PRKN: variants seen among roughly 807,000 people sequenced by gnomAD.
The protein encoded by PRKN is parkin RBR E3 ubiquitin protein ligase.
In PRKN, 56 loss-of-function variants were observed where a neutral mutation model predicts 59.5. The ratio of observed to expected loss-of-function variants is 0.94; its 90% CI spans 0.76 to 1.18. The LOEUF (loss-of-function observed/expected upper bound fraction) is 1.18. PRKN is among the 50% of genes most tolerant of loss of function. The probability of loss-of-function intolerance (pLI) is 0.00; values close to 1 mark genes in which losing one functional copy is unlikely to be tolerated. For missense variants in PRKN, 657 were observed against 596.4 expected (o/e 1.10, Z -1.06); for synonymous variants, 250 against 222.1 (o/e 1.13, Z -1.12).
At chr6:162,544,148 GT>G in intron 1 of PRKN, among the ~76,000 whole-genome samples, 1 of 152,248 alleles carries the variant, frequency 6.6e-6, no homozygotes, top group Middle Eastern at 3.4e-3. Context: ...GAAAACTTTT[GT>G]TGCATGGATA....
rs746871534 is a variant in PRKN, at chr6:162,416,565, G to T, written c.171+26745C>A. On this transcript the variant is annotated intron_variant, in intron 2 of 11. Transcript: ENST00000366898. The stretch of plus-strand genomic sequence containing the variant: ...ATTCAATTAAACCTGCTGCCAGGCT[G>T]TAAGAATTTTTCTGTGTGTAGTTTG... Among the ~76,000 whole-genome samples the T allele has an allele frequency of 3.2e-4, 48 of 152,178 alleles. 1 individual carries two copies. The highest frequency in any genetic ancestry group is 3.3e-4 in the Admixed American group (5 of 15,282).
intron 1 of PRKN, among the ~76,000 whole-genome samples, chr6:162,526,417 C>T (rs1012811714): frequency 2.0e-5 from 3 of 151,140 alleles, no homozygotes; most frequent in South Asian, 2.1e-4. Flanking sequence ...TTTGGGAGGC[C>T]GAGGCGGGCA....
intron 2 of PRKN, among the ~76,000 whole-genome samples, chr6:162,409,965 T>C (rs1788270296): frequency 6.6e-6 from 1 of 152,212 alleles, no homozygotes; most frequent in South Asian, 2.1e-4. Context: ...AAGCTGATTT[T>C]ATTTCCACCA....
At chr6:161,374,605 T>TA (rs1554254236) in intron 10 of PRKN, among the ~76,000 whole-genome samples, 2 of 58,286 alleles carry the variant, frequency 3.4e-5, no homozygotes, top group Non-Finnish European at 7.5e-5. Context: ...GTGGTGTGTG[T>TA]ATGTGTGTAT....
chr6:162,007,594 A>G lies in PRKN; in HGVS notation c.619-34177T>C, dbSNP rs78055951. ...CCGTTGATGGCAGAATCATCAATTA[A>G]GTTTTATAGCAGAGCTGAGTAAGAA... On this transcript the variant is annotated intron_variant, in intron 5 of 11. Transcript: ENST00000366898. Among the ~76,000 whole-genome samples, 1,213 of 152,294 alleles carry G rather than the reference A, an allele frequency of 8.0e-3. 8 individuals are homozygous for G. The highest frequency in any genetic ancestry group is 0.014 in the Middle Eastern group (4 of 294).
In PRKN at chr6:161,454,461, T is replaced by A. The variant is rs1789877584; in HGVS notation, c.1084-67584A>T. Among the ~76,000 whole-genome samples the A allele has an allele frequency of 6.6e-6, 1 of 152,172 alleles. No individual in the cohort carries two copies. The highest frequency in any genetic ancestry group is 1.5e-5 in the Non-Finnish European group (1 of 68,032). Reference sequence around the variant, plus strand: ...CTTAACCAGGCAGGAGGAACAGCAGTTCATTCGTGGTCTTGAGTCCAGGTT... The same window carrying A: ...CTTAACCAGGCAGGAGGAACAGCAGATCATTCGTGGTCTTGAGTCCAGGTT... On this transcript the variant is annotated intron_variant, in intron 9 of 11. Coordinates refer to ENST00000366898, the MANE Select transcript of PRKN (RefSeq NM_004562.3). This position sits in a 1 kb window ranked among gnomAD's most constrained non-coding sequence, Gnocchi z 4.6.
chr6:162,324,159 ATG>A (rs1783163603), intron 2 of PRKN, among the ~76,000 whole-genome samples: 1 of 152,128 alleles, frequency 6.6e-6, no homozygotes, highest in African/African-American at 2.4e-5. Context: ...TAAAATAATT[ATG>A]TTTAATAAAA....
chr6:161,989,849 G>T (rs1016089127), intron 5 of PRKN, among the ~76,000 whole-genome samples: 3 of 152,058 alleles, frequency 2.0e-5, no homozygotes, highest in African/African-American at 7.2e-5. Flanking sequence ...TACCACCAGG[G>T]CTCACACACA....
At chr6:162,608,271 A>C (rs1467263509) in intron 1 of PRKN, among the ~76,000 whole-genome samples, 2 of 152,232 alleles carry the variant, frequency 1.3e-5, no homozygotes, top group Admixed American at 6.5e-5. Flanking sequence ...ATGTAGTCCC[A>C]AAACAGTCCC....
chr6:162,030,511 T>C (rs1783596704), intron 5 of PRKN, among the ~76,000 whole-genome samples: 1 of 152,178 alleles, frequency 6.6e-6, no homozygotes, highest in African/African-American at 2.4e-5. Context: ...AATCAAGCCT[T>C]CTTTTTACCC....
At chr6:162,101,925 C>G (rs760033465) in intron 4 of PRKN, among the ~76,000 whole-genome samples, 5 of 152,158 alleles carry the variant, frequency 3.3e-5, no homozygotes, top group African/African-American at 7.2e-5. Context: ...GTCCATTCAC[C>G]AAAATCAGGA....
chr6:162,579,030 T>A (rs957954154), intron 1 of PRKN, among the ~76,000 whole-genome samples: 9 of 152,218 alleles, frequency 5.9e-5, no homozygotes, highest in African/African-American at 2.2e-4. Flanking sequence ...GTCATCAGTC[T>A]ACAAAACAAT....
At chr6:161,701,305 T>C (rs1269137928) in intron 7 of PRKN, among the ~76,000 whole-genome samples, 1 of 152,240 alleles carries the variant, frequency 6.6e-6, no homozygotes, top group African/African-American at 2.4e-5. Flanking sequence ...TGACCCATTA[T>C]GTGTGACCTC....
At position 161,413,124 on chromosome 6, in the gene PRKN, A is replaced by G. The variant is rs1158380159; in HGVS notation, c.1084-26247T>C. Among the ~76,000 whole-genome samples the G allele has an allele frequency of 1.3e-5, 2 of 152,176 alleles. No homozygotes were observed. Among genetic ancestry groups the G allele is most frequent in the East Asian group, 3.9e-4 (2 of 5,190 alleles). ...TATTACCTTTTCTGAACACCTAAAT[A>G]ACACCAGGAGGTCAAGTACGTGGAA... On this transcript the variant is annotated intron_variant, in intron 9 of 11. Transcript: ENST00000366898. The surrounding 1 kb of genome is among the most constrained non-coding windows in gnomAD (Gnocchi z 4.4).
intron 1 of PRKN, among the ~76,000 whole-genome samples, chr6:162,509,046 T>C (rs1486341219): frequency 1.3e-5 from 2 of 152,172 alleles, no homozygotes; most frequent in Non-Finnish European, 2.9e-5. Context: ...CTGACCTCAG[T>C]GACAAGTCAT....
chr6:162,556,360 T>TGTGTGTGTGTGTGTGC lies in PRKN; in HGVS notation c.8-112888_8-112887insGCACACACACACACAC, dbSNP rs1554243390. Among the ~76,000 whole-genome samples, 235 of 82,728 alleles carry TGTGTGTGTGTGTGTGC rather than the reference T, an allele frequency of 2.8e-3. 4 individuals are homozygous for TGTGTGTGTGTGTGTGC. The highest frequency in any genetic ancestry group is 6.0e-3 in the African/African-American group (156 of 25,806). The allele number at this position is 82,728 out of a possible 152,430, so 54.3% of individuals were successfully genotyped here. ...CTCAGCTGGTGTGTGTGTGTGTGTGTGTGTGTGTGTGTGTGTGTGTGTGTG... is the reference window on the plus strand; with the variant it reads ...CTCAGCTGGTGTGTGTGTGTGTGTGTGTGTGTGTGTGTGTGCGTGTGTGTGTGTGTGTGTGTGTGTG... On this transcript the variant is annotated intron_variant, in intron 1 of 11. Transcript: ENST00000366898.
intron 7 of PRKN, among the ~76,000 whole-genome samples, chr6:161,710,623 C>T (rs995642906): frequency 6.6e-6 from 1 of 152,144 alleles, no homozygotes; most frequent in Non-Finnish European, 1.5e-5. Flanking sequence ...GAGGTCTAGA[C>T]ATATTCCACT....
intron 9 of PRKN, among the ~76,000 whole-genome samples, chr6:161,516,511 AAAGAAGAAGAAG>A (rs1024623750): frequency 7.0e-6 from 1 of 143,598 alleles, no homozygotes; most frequent in Non-Finnish European, 1.5e-5. Context: ...AAGAAAGAAG[AAAGAAGAAGAAG>A]AAGAAGAAAA....
At chr6:162,557,245 G>C (rs981688645) in intron 1 of PRKN, among the ~76,000 whole-genome samples, 2 of 152,138 alleles carry the variant, frequency 1.3e-5, no homozygotes, top group African/African-American at 4.8e-5. Flanking sequence ...ATTCTGGCTG[G>C]GCCAGCTGTT....
Sources: gnomAD v4.1 joint callset for allele counts (sites outside exome capture counted in the v4.1 genomes callset) on GRCh38, gnomAD v4.1.1 for gene constraint, Gnocchi (gnomAD v3.1) non-coding constraint, MANE v1.5 for transcripts, NCBI Gene and HGNC (gene_info 2026-07-23, HGNC 2026-07-21) for gene names.